The following PIBF1 variants were observed in gnomAD, a reference collection of about 807,000 sequenced individuals.
The protein encoded by PIBF1 is progesterone-induced-blocking factor 1.
A neutral mutation model predicts 112.5 loss-of-function variants in PIBF1; 90 were observed. That is an observed-to-expected ratio of 0.80 (90% CI 0.67 to 0.95). PIBF1 has a LOEUF of 0.95. PIBF1 is among the 40% of genes least tolerant of loss of function. PIBF1 has a pLI of 0.00. For synonymous variants in PIBF1, 301 were observed against 288.6 expected (o/e 1.04, Z -0.44); for missense variants, 915 against 852.3 (o/e 1.07, Z -0.92).
chr13:72,940,486 G>C (rs1253190648), intron 14 of PIBF1, among the ~76,000 whole-genome samples: 1 of 151,724 alleles, frequency 6.6e-6, no homozygotes, highest in South Asian at 2.1e-4. Context: ...TCATTTCATG[G>C]CTGCCTTCAA....
chr13:72,838,414 T>C (rs1313320377), intron 9 of PIBF1, among the ~76,000 whole-genome samples: 1 of 152,188 alleles, frequency 6.6e-6, no homozygotes, highest in Non-Finnish European at 1.5e-5. Context: ...CTATTAAAAG[T>C]AAAACTTCAG....
intron 10 of PIBF1, among the ~76,000 whole-genome samples, chr13:72,887,269 T>A (rs2039895891): frequency 1.3e-5 from 2 of 151,958 alleles, no homozygotes; most frequent in Non-Finnish European, 2.9e-5. Context: ...TAAGATAACA[T>A]TTTGTATTTT....
intron 16 of PIBF1, among the ~76,000 whole-genome samples, chr13:72,979,170 G>A (rs982016137): frequency 6.6e-6 from 1 of 152,132 alleles, no homozygotes; most frequent in African/African-American, 2.4e-5. Context: ...CCTCCAGCTT[G>A]GGTGACAGCA....
intron 15 of PIBF1, among the ~76,000 whole-genome samples, chr13:72,972,733 T>C (rs1566505669): frequency 6.6e-6 from 1 of 152,240 alleles, no homozygotes; most frequent in Non-Finnish European, 1.5e-5. Flanking sequence ...AATTTTGTCT[T>C]TTTTATTGTA....
At chr13:72,929,523 T>C (rs1471943665) in intron 13 of PIBF1, among the ~76,000 whole-genome samples, 3 of 152,110 alleles carry the variant, frequency 2.0e-5, no homozygotes, top group African/African-American at 7.2e-5. Context: ...ACACAGAAAT[T>C]CTTCTTGAGA....
intron 10 of PIBF1, among the ~76,000 whole-genome samples, chr13:72,863,148 A>C (rs1422345162): frequency 2.6e-5 from 4 of 151,124 alleles, no homozygotes; most frequent in Admixed American, 1.3e-4. Context: ...ATACTACCAG[A>C]GGGAGGAAAA....
chr13:72,923,871 G>A (rs2041385272), intron 13 of PIBF1, among the ~76,000 whole-genome samples: 4 of 152,184 alleles, frequency 2.6e-5, no homozygotes, highest in Non-Finnish European at 5.9e-5. Context: ...GACTGAGGCA[G>A]GAGAATTGCT....
Position 72,807,178 on chromosome 13 carries a change from CAAA to C in PIBF1, c.672+9162_672+9164del, listed in dbSNP as rs35154761. Among the ~76,000 whole-genome samples, 1,235 of 138,544 alleles carry C rather than the reference CAAA, an allele frequency of 8.9e-3. 68 individuals are homozygous for C. The highest frequency in any genetic ancestry group is 9.6e-3 in the East Asian group (47 of 4,898). 90.9% of individuals were successfully genotyped at this position (138,544 alleles called of 152,430 possible). On this transcript the variant is annotated intron_variant, in intron 5 of 17. Transcript: ENST00000326291. ...TCTTTAGTAGGTGAAGGATAAGAGC[CAAA>C]AAAAAAAAAGGAATAAAAAGAACTA...
intron 3 of PIBF1, 60 bp downstream of exon 3, chr13:72,792,607 A>G: frequency 1.2e-6 from 1 of 839,316 alleles, no homozygotes; most frequent in Non-Finnish European, 1.9e-6. Flanking sequence ...AAGTAATTTT[A>G]TTGCCTGTTC....
intron 2 of PIBF1, among the ~76,000 whole-genome samples, chr13:72,790,510 CATAGATAGATAGATAGATAG>C (rs3078582): frequency 0.084 from 11,703 of 140,076 alleles, 645 homozygotes; most frequent in Non-Finnish European, 0.12. Flanking sequence ...CACACACACA[CATAGATAGATAGATAGATAG>C]ATAGATAGAT....
At chr13:72,830,315 G>A (rs914162434) in intron 8 of PIBF1, among the ~76,000 whole-genome samples, 5 of 152,108 alleles carry the variant, frequency 3.3e-5, no homozygotes, top group Non-Finnish European at 1.5e-5. Context: ...ATACCATGTT[G>A]AATAGGAGGG....
chr13:72,963,076 A>G (rs893980956), intron 14 of PIBF1, among the ~76,000 whole-genome samples: 3 of 152,194 alleles, frequency 2.0e-5, no homozygotes, highest in Admixed American at 2.0e-4. Flanking sequence ...AAAACTGAGT[A>G]TCTACATGCA....
At chr13:72,939,789 T>C (rs2041964993) in intron 14 of PIBF1, among the ~76,000 whole-genome samples, 1 of 152,172 alleles carries the variant, frequency 6.6e-6, no homozygotes, top group South Asian at 2.1e-4. Context: ...TTTAGAAAGA[T>C]ATTTTCCCTG....
chr13:72,972,663 C>CAA (rs35656003), intron 15 of PIBF1, among the ~76,000 whole-genome samples: 51 of 135,248 alleles, frequency 3.8e-4, no homozygotes, highest in East Asian at 4.2e-4. Flanking sequence ...GACTCCGTCT[C>CAA]AAAAAAAAAA....
chr13:73,006,259 A>G lies in PIBF1; in HGVS notation c.2223+7264A>G, dbSNP rs539141767. On this transcript the variant is annotated intron_variant, in intron 17 of 17. Coordinates refer to ENST00000326291, the MANE Select transcript of PIBF1 (RefSeq NM_006346.4). ...ATGTTGAATGTAGACTCATCTCACC[A>G]AAGTATGACCGGACCTCAAAATATC... is the stretch of plus-strand genomic sequence containing the variant. 6.8e-4 allele frequency among the ~76,000 whole-genome samples: 103 copies of G among 152,270 alleles called. 1 individual carries two copies. Among genetic ancestry groups the G allele is most frequent in the Admixed American group, 6.5e-3 (100 of 15,284 alleles).
intron 11 of PIBF1, among the ~76,000 whole-genome samples, chr13:72,903,126 G>T (rs771255081): frequency 2.0e-5 from 3 of 151,906 alleles, no homozygotes; most frequent in Non-Finnish European, 2.9e-5. Flanking sequence ...TCAAGCTCCT[G>T]ACCTCAAGTG....
In PIBF1 at chr13:72,791,880, C is replaced by T. The variant is rs557597861; in HGVS notation, c.253-567C>T. On this transcript the variant is annotated intron_variant, in intron 2 of 17. Coordinates refer to ENST00000326291, the MANE Select transcript of PIBF1 (RefSeq NM_006346.4). ...AACTCCCGACCTCAAGTTGTCTGCC[C>T]GCCTCGGCCTCCCAAAGTGCTGGGA... Among the ~76,000 whole-genome samples, 18 of 152,030 alleles carry T rather than the reference C, an allele frequency of 1.2e-4. 1 individual carries two copies. The South Asian group carries it at 1.5e-3, about 12-fold the overall frequency.
intron 2 of PIBF1, among the ~76,000 whole-genome samples, chr13:72,786,791 G>A (rs1380845784): frequency 6.6e-6 from 1 of 152,130 alleles, no homozygotes; most frequent in African/African-American, 2.4e-5. Context: ...TATCATACGA[G>A]CACTCAGGAT....
chr13:72,885,540 A>G (rs2039816694), intron 10 of PIBF1, among the ~76,000 whole-genome samples: 1 of 152,170 alleles, frequency 6.6e-6, no homozygotes, highest in Non-Finnish European at 1.5e-5. Context: ...TTAAGAGCTT[A>G]TAATATGCCA....
Sources: allele counts gnomAD v4.1 joint callset (sites outside exome capture counted in the v4.1 genomes callset), GRCh38; gene constraint gnomAD v4.1.1; transcripts MANE v1.5; gene names NCBI Gene and HGNC (gene_info 2026-07-23, HGNC 2026-07-21).